FBXO3: variants seen among roughly 807,000 people sequenced by gnomAD.
The protein encoded by FBXO3 is F-box protein 3, also known as F-box only protein 3.
FBXO3 carries 17 observed loss-of-function variants against 64.8 expected under a neutral mutation model. That is an observed-to-expected ratio of 0.26 (90% confidence interval 0.18 to 0.39). The LOEUF (loss-of-function observed/expected upper bound fraction) is 0.39, where lower values mean the gene tolerates loss of function less well. Among genes scored for constraint, FBXO3 ranks in the 10% least tolerant of loss-of-function variants. The pLI, the probability that FBXO3 is intolerant of heterozygous loss-of-function variation, is 1.00. For missense variants in FBXO3, 420 were observed against 589.9 expected (o/e 0.71, Z 2.98); for synonymous variants, 182 against 201.6 (o/e 0.90, Z 0.82).
In FBXO3 at chr11:33,741,832, TTTAG is replaced by T. The variant is rs1854692802; in HGVS notation, c.*72_*75del. The T allele has an allele frequency of 7.1e-7, 1 of 1,406,880 alleles. No individual in the cohort carries two copies. The highest frequency in any genetic ancestry group is 2.5e-5 in the East Asian group (1 of 40,618). The allele number at this position is 1,406,880 out of a possible 1,614,324, so 87.1% of individuals were successfully genotyped here. A position where few individuals can be genotyped will look rare whatever the true frequency, so the allele number is the denominator to read the frequency against. ...TTTTCCTGCTATATGCAGAGAACAA[TTTAG>T]TTATTTACATTATTGAGAAATCTAT... On this transcript the variant is annotated 3_prime_UTR_variant, in exon 11 of 11. Transcript: ENST00000265651.
At chr11:33,752,395 T>C (rs1854983571) in intron 6 of FBXO3, among the ~76,000 whole-genome samples, 1 of 152,230 alleles carries the variant, frequency 6.6e-6, no homozygotes, top group African/African-American at 2.4e-5. Context: ...AGTCCTTTAA[T>C]TAATGTTGTT....
Position 33,751,595 on chromosome 11 carries a change from G to A in FBXO3, c.737C>T (p.Thr246Ile). 2 of 1,600,504 alleles carry A rather than the reference G, an allele frequency of 1.2e-6. No homozygotes were observed. The highest frequency in any genetic ancestry group is 8.5e-7 in the Non-Finnish European group (1 of 1,173,308). Residue 246 changes from threonine to isoleucine, a missense_variant, in exon 7 of 11, where the codon ACT (threonine) becomes ATT (isoleucine). By Grantham distance (89) the Thr-to-Ile change is moderately conservative. This residue lies in a region of FBXO3 where 337 missense variants were observed against 518.4 expected (regional missense o/e 0.65). Coordinates refer to ENST00000265651, the MANE Select transcript of FBXO3 (RefSeq NM_012175.4). ...IDMFIIGATF[T>I]DWFTSYVKNV... ...TTTGACATAAGAGGTAAACCAGTCA[G>A]TAAAAGTAGCACCTATAAAGCAGGA...
intron 1 of FBXO3, 119 bp downstream of exon 1, chr11:33,774,275 C>T (rs919169189): frequency 2.1e-5 from 18 of 875,718 alleles, no homozygotes; most frequent in Middle Eastern, 3.4e-4. Flanking sequence ...GCGGCCCTGG[C>T]GTCACCTTCT....
chr11:33,768,137 T>C (rs189778237), intron 3 of FBXO3, among the ~76,000 whole-genome samples: 1 of 151,772 alleles, frequency 6.6e-6, no homozygotes. Flanking sequence ...ATCTATACAA[T>C]GCCTTTCAGT....
intron 5 of FBXO3, among the ~76,000 whole-genome samples, chr11:33,755,301 A>T (rs1056149855): frequency 3.3e-5 from 5 of 152,228 alleles, no homozygotes; most frequent in African/African-American, 7.2e-5. Flanking sequence ...TTTTTATTAA[A>T]TGAAACCAAT....
Position 33,748,796 on chromosome 11 carries a change from A to C in FBXO3, c.1029T>G (p.Val343=). ...CCATACCAACTACTCCAGGTCCTTG[A>C]ACTTCTTCCACGTCACCCTTAGCAT... ...ITNAKGDVEE[V]QGPGVVGEFP... is the part of the protein sequence containing the mutation. Residue 343 remains valine, a synonymous_variant, in exon 9 of 11, where the codon GTT becomes GTG. Coordinates refer to ENST00000265651, the MANE Select transcript of FBXO3 (RefSeq NM_012175.4). The C allele has an allele frequency of 6.2e-7, 1 of 1,613,428 alleles. No homozygotes were observed. Among genetic ancestry groups the C allele is most frequent in the Non-Finnish European group, 8.5e-7 (1 of 1,179,524 alleles).
intron 5 of FBXO3, among the ~76,000 whole-genome samples, chr11:33,754,839 G>C (rs1478333861): frequency 1.3e-5 from 2 of 151,270 alleles, no homozygotes; most frequent in East Asian, 3.9e-4. Flanking sequence ...GTTATATAGA[G>C]TCACATGTCT....
At chr11:33,768,804 T>G in intron 3 of FBXO3, 47 bp downstream of exon 3, 1 of 1,606,656 alleles carries the variant, frequency 6.2e-7, no homozygotes, top group Non-Finnish European at 8.5e-7. Context: ...AACCTATTTA[T>G]ACTAACAGTA....
Position 33,741,977 on chromosome 11 carries a change from A to C in FBXO3, c.1347T>G (p.Asp449Glu). ...AGACTCTCCTCCGTCTCTCCTCTTC[A>C]TCATCTTCATCTGATTCATCCATAT... ...SADMDESDED[D>E]EEERRRRVFD... Residue 449 changes from aspartate to glutamate, a missense_variant, in exon 11 of 11, where the codon GAT becomes GAG. Asp to Glu is a conservative substitution (Grantham distance 45, BLOSUM62 2). Transcript: ENST00000265651. 1 of 1,613,824 alleles carries C rather than the reference A, an allele frequency of 6.2e-7. No homozygotes were observed. The highest frequency in any genetic ancestry group is 1.3e-5 in the African/African-American group (1 of 75,040).
rs376199850 is a variant in FBXO3 at position 33,768,950 on chromosome 11, C to T, written c.259G>A (p.Gly87Arg). Residue 87 changes from glycine (G) to arginine (R), a missense_variant, in exon 3 of 11, where the codon GGA (glycine) becomes AGA (arginine). Physicochemically the swap from Gly to Arg is moderately radical, Grantham distance 125 (BLOSUM62 -2). Coordinates refer to ENST00000265651, the MANE Select transcript of FBXO3 (RefSeq NM_012175.4). ...GCAGCATAATGGTCAATGTATCTTC[C>T]TACATCAGAGTAAGTATCTATGAAG... is the stretch of plus-strand genomic sequence containing the variant. ...SLFIDTYSDV[G>R]RYIDHYAAIK... 2 of 1,613,798 alleles carry T rather than the reference C, an allele frequency of 1.2e-6. No homozygotes were observed. Among genetic ancestry groups the T allele is most frequent in the African/African-American group, 2.7e-5 (2 of 74,910 alleles).
intron 8 of FBXO3, 86 bp downstream of exon 8, chr11:33,750,453 A>G: frequency 6.8e-7 from 1 of 1,472,006 alleles, no homozygotes; most frequent in Non-Finnish European, 9.3e-7. Flanking sequence ...TGTGTCTTAC[A>G]TATCATGTCA....
At chr11:33,757,681 A>AAAAAAAAAAAAAAAAAAAT (rs1564990642) in intron 4 of FBXO3, among the ~76,000 whole-genome samples, 2 of 143,188 alleles carry the variant, frequency 1.4e-5, no homozygotes, top group Non-Finnish European at 3.1e-5. Context: ...AAAAAAAAAA[A>AAAAAAAAAAAAAAAAAAAT]GTCTGGGTGG....
At chr11:33,764,020 C>T (rs1855307270) in intron 3 of FBXO3, among the ~76,000 whole-genome samples, 1 of 152,144 alleles carries the variant, frequency 6.6e-6, no homozygotes, top group Non-Finnish European at 1.5e-5. Flanking sequence ...CCAGCAAACT[C>T]AATGCCAGAT....
At chr11:33,752,017 C>T (rs1414028946) in intron 6 of FBXO3, among the ~76,000 whole-genome samples, 3 of 152,246 alleles carry the variant, frequency 2.0e-5, no homozygotes, top group Non-Finnish European at 4.4e-5. Flanking sequence ...TATTCTCAGA[C>T]GTCCCTGGTC....
chr11:33,763,165 A>G, intron 3 of FBXO3: 2 of 332,372 alleles, frequency 6.0e-6, no homozygotes, highest in Admixed American at 3.3e-5. Context: ...TCACTGGTGC[A>G]TTCTACTAAT....
At chr11:33,769,741 G>A (rs986850926) in intron 2 of FBXO3, among the ~76,000 whole-genome samples, 14 of 151,788 alleles carry the variant, frequency 9.2e-5, no homozygotes, top group African/African-American at 3.4e-4. Flanking sequence ...AGAGAGACAC[G>A]CCTAGGATGA....
Position 33,768,842 on chromosome 11 carries a change from T to G in FBXO3, c.358+9A>C. On this transcript the variant is annotated intron_variant, in intron 3 of 10. Coordinates refer to ENST00000265651, the MANE Select transcript of FBXO3 (RefSeq NM_012175.4). ...GGAAACGGGGAAAGGGACCCTGAAT[T>G]CCCAGTACCTTTCAGAGATAAAACC... 1 of 1,613,932 alleles carries G rather than the reference T, an allele frequency of 6.2e-7. No homozygotes were observed. Among genetic ancestry groups the G allele is most frequent in the Non-Finnish European group, 8.5e-7 (1 of 1,179,884 alleles).
At chr11:33,771,544 G>A (rs186120819) in intron 1 of FBXO3, 18 of 152,300 alleles carry the variant, frequency 1.2e-4, no homozygotes, top group African/African-American at 3.6e-4. Context: ...CTAAGATTAG[G>A]ACTCTATCCT....
In FBXO3 at chr11:33,748,827, A is replaced by G; in HGVS notation, c.998T>C (p.Ile333Thr). The change falls in exon 9 of 11, where the codon ATA becomes ACA. Residue 333 changes from isoleucine (I) to threonine (T), a missense_variant. Transcript: ENST00000265651. The part of the protein sequence containing the change: ...ACQLDSRYWR[I>T]TNAKGDVEEV... ...TTCCACGTCACCCTTAGCATTTGTT[A>G]TTCTCCAATAGCGACTGTCCAACTG... The G allele has an allele frequency of 6.2e-7, 1 of 1,613,900 alleles. No individual in the cohort carries two copies. Among genetic ancestry groups the G allele is most frequent in the Non-Finnish European group, 8.5e-7 (1 of 1,179,870 alleles).
Sources: allele counts gnomAD v4.1 joint callset (sites outside exome capture counted in the v4.1 genomes callset), GRCh38; gene constraint gnomAD v4.1.1; regional missense constraint gnomAD v4.1.1; transcripts MANE v1.5; gene names NCBI Gene and HGNC (gene_info 2026-07-23, HGNC 2026-07-21).